GPR149: variants seen among roughly 807,000 people sequenced by gnomAD.
GPR149 encodes the protein probable G protein-coupled receptor 149.
A neutral mutation model predicts 50.2 loss-of-function variants in GPR149; 50 were observed. The observed-to-expected ratio is 1.00, with a 90% CI of 0.79 to 1.26. The LOEUF is 1.26. Ranked by LOEUF, GPR149 falls within the 50% of genes most tolerant of loss-of-function variation. GPR149 has a pLI of 0.00. For missense variants in GPR149, 983 were observed against 895.4 expected, an observed-to-expected ratio of 1.10 and a Z score of -1.25; for synonymous variants, 405 against 358.2, an observed-to-expected ratio of 1.13 and a Z score of -1.48.
chr3:154,393,611 G>A (rs534176736), intron 3 of GPR149, among the ~76,000 whole-genome samples: 12 of 152,010 alleles, frequency 7.9e-5, no homozygotes, highest in African/African-American at 2.9e-4. Flanking sequence ...GCATGTAGGT[G>A]AGAAAGAAAA....
At chr3:154,395,875 T>G (rs934736690) in intron 3 of GPR149, among the ~76,000 whole-genome samples, 4 of 152,196 alleles carry the variant, frequency 2.6e-5, no homozygotes, top group Non-Finnish European at 5.9e-5. Context: ...TTCAAAATAT[T>G]TAATATTTGA....
chr3:154,414,089 T>C (rs1339135698), intron 3 of GPR149, among the ~76,000 whole-genome samples: 2 of 151,946 alleles, frequency 1.3e-5, no homozygotes, highest in Non-Finnish European at 2.9e-5. Flanking sequence ...ACGTTCTCAT[T>C]CATATGTGTG....
intron 3 of GPR149, among the ~76,000 whole-genome samples, chr3:154,348,988 T>C (rs1385335640): frequency 6.6e-6 from 1 of 151,780 alleles, no homozygotes; most frequent in East Asian, 1.9e-4. Context: ...CAAGAGAATC[T>C]CCAAGCCCTT....
intron 3 of GPR149, chr3:154,354,720 C>A (rs1471115658): frequency 9.8e-6 from 6 of 614,496 alleles, no homozygotes; most frequent in Non-Finnish European, 1.3e-5. Context: ...ATACCTTTTG[C>A]CTGTCCTTCT....
At chr3:154,358,368 A>G (rs2037580) in intron 3 of GPR149, among the ~76,000 whole-genome samples, 22,968 of 152,132 alleles carry the variant, frequency 0.15, 2,257 homozygotes, top group East Asian at 0.47. Flanking sequence ...TCCTATTCCA[A>G]CATTCTATGG....
chr3:154,414,879 A>G (rs879283620), intron 3 of GPR149, among the ~76,000 whole-genome samples: 2 of 152,012 alleles, frequency 1.3e-5, no homozygotes, highest in Non-Finnish European at 2.9e-5. Context: ...AAGGAGACAT[A>G]AAAACAAGTA....
At chr3:154,402,704 C>G (rs1054365291) in intron 3 of GPR149, among the ~76,000 whole-genome samples, 1 of 151,732 alleles carries the variant, frequency 6.6e-6, no homozygotes, top group African/African-American at 2.4e-5. Context: ...ACCACTCCAC[C>G]TTCTGTGGTC....
chr3:154,411,984 C>CA (rs1443973480), intron 3 of GPR149, among the ~76,000 whole-genome samples: 1 of 152,032 alleles, frequency 6.6e-6, no homozygotes, highest in East Asian at 1.9e-4. Flanking sequence ...AACAGCATAT[C>CA]AAAAAGAGAA....
chr3:154,339,773 C>A (rs1713744490), intron 3 of GPR149, among the ~76,000 whole-genome samples: 3 of 131,928 alleles, frequency 2.3e-5, no homozygotes, highest in East Asian at 2.4e-4. Flanking sequence ...CCTTCATGCT[C>A]TACTTCTTTT....
chr3:154,429,966 G>A lies in GPR149; in HGVS notation c.-351C>T, dbSNP rs1266972090. On this transcript the variant is annotated 5_prime_UTR_variant, in exon 1 of 4. Coordinates refer to ENST00000389740, the MANE Select transcript of GPR149 (RefSeq NM_001038705.3). ...TTCAGGTACATTAAAAACCAATGAT[G>A]TCTGGATCCTTTGGGGTCCTTCTTA... Among the ~76,000 whole-genome samples, 4 of 152,134 alleles carry A rather than the reference G, an allele frequency of 2.6e-5. No homozygotes were observed. Among genetic ancestry groups the A allele is most frequent in the Non-Finnish European group, 5.9e-5 (4 of 68,026 alleles).
At chr3:154,379,028 CAGGAG>C (rs1714860009) in intron 3 of GPR149, among the ~76,000 whole-genome samples, 1 of 1,098 alleles carries the variant, frequency 9.1e-4, no homozygotes. Flanking sequence ...ATCATGAGGT[CAGGAG>C]ATCAAGACCA....
intron 3 of GPR149, among the ~76,000 whole-genome samples, chr3:154,386,300 A>G (rs2108409441): frequency 6.6e-6 from 1 of 152,276 alleles, no homozygotes; most frequent in South Asian, 2.1e-4. Flanking sequence ...TATAACTTAC[A>G]CAATTGCAAA....
intron 3 of GPR149, among the ~76,000 whole-genome samples, chr3:154,405,527 G>A (rs954608615): frequency 4.1e-5 from 6 of 144,588 alleles, no homozygotes; most frequent in Admixed American, 1.5e-4. Context: ...AGCAGAGGCT[G>A]CAGTGAGCTG....
intron 3 of GPR149, among the ~76,000 whole-genome samples, chr3:154,388,245 G>A (rs1715090198): frequency 6.6e-6 from 1 of 151,872 alleles, no homozygotes; most frequent in Non-Finnish European, 1.5e-5. Flanking sequence ...CTATAAATTA[G>A]TTGTGAAAAA....
intron 3 of GPR149, among the ~76,000 whole-genome samples, chr3:154,371,229 C>G (rs1714657236): frequency 6.6e-6 from 1 of 152,186 alleles, no homozygotes; most frequent in African/African-American, 2.4e-5. Flanking sequence ...AACAAATGGT[C>G]AGCAGAGACT....
chr3:154,344,556 G>A (rs1713879030), intron 3 of GPR149, among the ~76,000 whole-genome samples: 1 of 152,156 alleles, frequency 6.6e-6, no homozygotes, highest in Non-Finnish European at 1.5e-5. Context: ...GCAGGTGTAA[G>A]CAAGTTGTAT....
chr3:154,397,760 G>C (rs1036286744), intron 3 of GPR149, among the ~76,000 whole-genome samples: 5 of 152,100 alleles, frequency 3.3e-5, no homozygotes, highest in African/African-American at 1.2e-4. Flanking sequence ...AGATGCACAG[G>C]AAATTGTATA....
chr3:154,384,681 CAATT>C (rs1715009066), intron 3 of GPR149, among the ~76,000 whole-genome samples: 1 of 152,228 alleles, frequency 6.6e-6, no homozygotes, highest in Admixed American at 6.5e-5. Flanking sequence ...CACTGTTACA[CAATT>C]AATCAGTCCC....
At chr3:154,403,351 G>A (rs1711595101) in intron 3 of GPR149, among the ~76,000 whole-genome samples, 1 of 152,158 alleles carries the variant, frequency 6.6e-6, no homozygotes, top group African/African-American at 2.4e-5. Flanking sequence ...GATGACAAAT[G>A]TACAATATGG....
Sources: gnomAD v4.1 joint callset for allele counts (sites outside exome capture counted in the v4.1 genomes callset) on GRCh38, gnomAD v4.1.1 for gene constraint, MANE v1.5 for transcripts, NCBI Gene and HGNC (gene_info 2026-07-23, HGNC 2026-07-21) for gene names.